PPP2R2B: variants seen among roughly 807,000 people sequenced by gnomAD.
PPP2R2B encodes protein phosphatase 2 regulatory subunit Bbeta.
A neutral mutation model predicts 46.0 loss-of-function variants in PPP2R2B; 5 were observed. That is an observed-to-expected ratio of 0.11 (90% confidence interval 0.06 to 0.23). The LOEUF (loss-of-function observed/expected upper bound fraction) is 0.23. Among genes scored for constraint, PPP2R2B ranks in the 10% least tolerant of loss-of-function variants. The pLI, the probability that PPP2R2B is intolerant of heterozygous loss-of-function variation, is 1.00. For synonymous variants in PPP2R2B, 215 were observed against 206.7 expected (o/e 1.04, Z -0.34); for missense variants, 367 against 575.0 (o/e 0.64, Z 3.70).
At chr5:147,011,310 C>T (rs543456308) in intron 1 of PPP2R2B, among the ~76,000 whole-genome samples, 1 of 151,992 alleles carries the variant, frequency 6.6e-6, no homozygotes, top group Non-Finnish European at 1.5e-5. Flanking sequence ...CCCCCCCCAT[C>T]CCTACATAGG....
At chr5:146,814,525 A>G (rs1303229995) in intron 2 of PPP2R2B, among the ~76,000 whole-genome samples, 4 of 152,252 alleles carry the variant, frequency 2.6e-5, no homozygotes, top group Admixed American at 6.5e-5. Context: ...GTCTCCCAAC[A>G]GACAGAAACA....
chr5:146,695,101 T>G (rs1295695179), intron 4 of PPP2R2B, among the ~76,000 whole-genome samples: 2 of 152,082 alleles, frequency 1.3e-5, no homozygotes, highest in Non-Finnish European at 2.9e-5. Context: ...ATTTAACAAT[T>G]GGGAAGATAT....
intron 2 of PPP2R2B, among the ~76,000 whole-genome samples, chr5:146,766,197 C>T (rs1754465701): frequency 6.6e-6 from 1 of 152,084 alleles, no homozygotes; most frequent in South Asian, 2.1e-4. Flanking sequence ...AGTTACTGTA[C>T]CACATACTTA....
intron 9 of PPP2R2B, among the ~76,000 whole-genome samples, chr5:146,591,632 C>G (rs1017938540): frequency 6.8e-6 from 1 of 147,222 alleles, no homozygotes; most frequent in Non-Finnish European, 1.5e-5. Flanking sequence ...GCTTGCCCAC[C>G]ATGACCCGAC....
At chr5:146,871,347 C>T (rs777458160) in intron 2 of PPP2R2B, among the ~76,000 whole-genome samples, 5 of 152,192 alleles carry the variant, frequency 3.3e-5, no homozygotes, top group Non-Finnish European at 7.3e-5. Flanking sequence ...AGAGTGGGTG[C>T]CTAGATGGCC....
chr5:146,786,543 C>T (rs1755849504), intron 2 of PPP2R2B, among the ~76,000 whole-genome samples: 1 of 152,162 alleles, frequency 6.6e-6, no homozygotes, highest in African/African-American at 2.4e-5. Context: ...TCATGGGGGC[C>T]AGGTTACTTC....
intron 1 of PPP2R2B, among the ~76,000 whole-genome samples, chr5:146,959,956 A>G (rs1486574582): frequency 6.6e-6 from 1 of 152,130 alleles, no homozygotes; most frequent in Non-Finnish European, 1.5e-5. Context: ...TTTGAACCTG[A>G]CTCTGAAAGC....
chr5:146,773,838 GAATT>G (rs1439395231), intron 2 of PPP2R2B, among the ~76,000 whole-genome samples: 1 of 152,118 alleles, frequency 6.6e-6, no homozygotes, highest in African/African-American at 2.4e-5. Context: ...TGTTTAATGT[GAATT>G]ATTTATATAA....
intron 2 of PPP2R2B, among the ~76,000 whole-genome samples, chr5:146,807,361 A>G (rs913566467): frequency 2.6e-5 from 4 of 152,228 alleles, no homozygotes; most frequent in Non-Finnish European, 4.4e-5. Flanking sequence ...ACATGAGACC[A>G]GTCAGTTCTG....
At chr5:146,903,025 G>A (rs951915842) in intron 1 of PPP2R2B, among the ~76,000 whole-genome samples, 9 of 152,124 alleles carry the variant, frequency 5.9e-5, no homozygotes, top group Admixed American at 6.5e-5. Flanking sequence ...GGCACTCTGT[G>A]ATATGCGATA....
At chr5:146,651,712 A>AT (rs1274268924) in intron 5 of PPP2R2B, among the ~76,000 whole-genome samples, 4 of 152,092 alleles carry the variant, frequency 2.6e-5, no homozygotes, top group Non-Finnish European at 5.9e-5. Flanking sequence ...AACCAAAGCT[A>AT]TTTTCTTTTC....
intron 2 of PPP2R2B, among the ~76,000 whole-genome samples, chr5:147,074,506 T>G (rs1271220909): frequency 6.6e-6 from 1 of 152,226 alleles, no homozygotes; most frequent in African/African-American, 2.4e-5. Context: ...AAAGCGTATT[T>G]GTCAATCACT....
intron 1 of PPP2R2B, among the ~76,000 whole-genome samples, chr5:146,906,566 C>G (rs1338095387): frequency 6.6e-6 from 1 of 152,224 alleles, no homozygotes; most frequent in African/African-American, 2.4e-5. Flanking sequence ...AGGTGATCCG[C>G]CTGCCTCGGC....
At chr5:146,602,067 C>T (rs1321084957) in intron 7 of PPP2R2B, among the ~76,000 whole-genome samples, 1 of 152,210 alleles carries the variant, frequency 6.6e-6, no homozygotes, top group African/African-American at 2.4e-5. Flanking sequence ...GATCCAAATA[C>T]TCTTTGATGC....
At chr5:146,719,027 T>C (rs1780646021) in intron 2 of PPP2R2B, among the ~76,000 whole-genome samples, 1 of 152,152 alleles carries the variant, frequency 6.6e-6, no homozygotes, top group Admixed American at 6.5e-5. Context: ...AAGACGAAAA[T>C]GAGATTTGCT....
Position 146,990,429 on chromosome 5 carries a change from A to C in PPP2R2B, c.79+65236T>G, listed in dbSNP as rs138232913. 3.3e-4 allele frequency among the ~76,000 whole-genome samples: 50 copies of C among 152,256 alleles called. No homozygotes were observed. The East Asian group carries it at 9.6e-3, about 29-fold the overall frequency. Reference sequence around the variant, plus strand: ...CCAGAAAGAAATCCATGCACTTTTAACCAACTGTTTTTTGCCAAAGGTGGC... The same window carrying C: ...CCAGAAAGAAATCCATGCACTTTTACCCAACTGTTTTTTGCCAAAGGTGGC... On this transcript the variant is annotated intron_variant, in intron 1 of 8. Coordinates refer to the PPP2R2B transcript ENST00000336640.
intron 1 of PPP2R2B, among the ~76,000 whole-genome samples, chr5:146,910,539 C>T (rs911399682): frequency 6.6e-6 from 1 of 152,244 alleles, no homozygotes; most frequent in Admixed American, 6.5e-5. Flanking sequence ...GATCTCTGAC[C>T]ATTAGTTGCC....
At chr5:146,972,498 G>GGTC (rs1333446345) in intron 1 of PPP2R2B, among the ~76,000 whole-genome samples, 1 of 152,050 alleles carries the variant, frequency 6.6e-6, no homozygotes, top group Non-Finnish European at 1.5e-5. Flanking sequence ...GATCACCTGA[G>GGTC]GTCAGGAGTT....
intron 7 of PPP2R2B, among the ~76,000 whole-genome samples, chr5:146,620,886 G>T (rs1773626776): frequency 6.6e-6 from 1 of 152,218 alleles, no homozygotes; most frequent in Non-Finnish European, 1.5e-5. Context: ...ATTATTAGGG[G>T]TGATTGCTGG....
Sources: allele counts gnomAD v4.1 joint callset (sites outside exome capture counted in the v4.1 genomes callset), GRCh38; gene constraint gnomAD v4.1.1; transcripts MANE v1.5; gene names NCBI Gene and HGNC (gene_info 2026-07-23, HGNC 2026-07-21).